The following MAP3K9 variants were observed in gnomAD, a reference collection of about 807,000 sequenced individuals.
MAP3K9 encodes the protein mixed lineage kinase 1 (tyr and ser/thr specificity).
In MAP3K9, 46 loss-of-function variants were observed where a neutral mutation model predicts 95.8. The ratio of observed to expected loss-of-function variants is 0.48; its 90% CI spans 0.38 to 0.61. The LOEUF is 0.61. Ranked by LOEUF, MAP3K9 falls within the 20% of genes least tolerant of loss-of-function variation. MAP3K9 has a pLI of 0.00. For synonymous variants in MAP3K9, 533 were observed against 593.8 expected, an observed-to-expected ratio of 0.90 and a Z score of 1.49; for missense variants, 1,296 against 1,474.3, an observed-to-expected ratio of 0.88 and a Z score of 1.98.
chr14:70,775,278 T>C (rs551024552), intron 2 of MAP3K9, among the ~76,000 whole-genome samples: 10 of 152,076 alleles, frequency 6.6e-5, no homozygotes, highest in African/African-American at 2.2e-4. Context: ...ATCCTGCAAG[T>C]TGGGTAGCAT....
rs148310050 is a variant in MAP3K9 at position 70,784,607 on chromosome 14, G to A, written c.820+16060C>T. On this transcript the variant is annotated intron_variant, in intron 2 of 11. Transcript: ENST00000554752. ...AAAATACAAAAATTAGCCAGGTGTG[G>A]TGGCAGGCGTCAGTAATCCCAGCTA... is the stretch of plus-strand genomic sequence containing the variant. Among the ~76,000 whole-genome samples, 737 of 152,244 alleles carry A rather than the reference G, an allele frequency of 4.8e-3. 4 individuals are homozygous for A. The highest frequency in any genetic ancestry group is 0.017 in the African/African-American group (687 of 41,530).
At chr14:70,751,484 G>A (rs942340017) in intron 3 of MAP3K9, among the ~76,000 whole-genome samples, 1 of 152,132 alleles carries the variant, frequency 6.6e-6, no homozygotes, top group African/African-American at 2.4e-5. Flanking sequence ...TTTGGGAGGC[G>A]GAAGCAGGCA....
intron 3 of MAP3K9, among the ~76,000 whole-genome samples, chr14:70,751,949 C>G (rs2054234462): frequency 6.6e-6 from 1 of 152,144 alleles, no homozygotes; most frequent in African/African-American, 2.4e-5. Flanking sequence ...TCAATTTATT[C>G]CCCCTAGAAT....
chr14:70,797,011 C>T (rs1039673475), intron 2 of MAP3K9, among the ~76,000 whole-genome samples: 15 of 152,284 alleles, frequency 9.9e-5, no homozygotes, highest in East Asian at 1.9e-4. Flanking sequence ...ATGCCATACG[C>T]GTTTCACTGC....
rs1162833672 is a variant in MAP3K9 at position 70,732,846 on chromosome 14, G to A, written c.2523C>T (p.Ser841=). 15 of 1,613,798 alleles carry A rather than the reference G, an allele frequency of 9.3e-6. No homozygotes were observed. Among genetic ancestry groups the A allele is most frequent in the Admixed American group, 3.3e-5 (2 of 59,962 alleles). Residue 841 remains serine (S), a synonymous_variant, in exon 11 of 12, where the codon TCC becomes TCT. Coordinates refer to ENST00000554752, the MANE Select transcript of MAP3K9 (RefSeq NM_001284230.2). ...GCAGGGAGCGTGTGGAGTTGCACTC[G>A]GAGATGGAGGAGAGGGAGAGCAGCG... ...SLTLLSLSSI[S]ECNSTRSLLR... is the part of the protein sequence containing the mutation.
In MAP3K9 at chr14:70,728,526, A is replaced by G. The variant is rs1032864238; in HGVS notation, c.*1854T>C. The G allele has an allele frequency of 3.9e-5, 6 of 152,188 alleles. No individual in the cohort carries two copies. The highest frequency in any genetic ancestry group is 1.4e-4 in the African/African-American group (6 of 41,424). 9.4% of individuals were successfully genotyped at this position (152,188 alleles called of 1,614,324 possible). ...TCACATTTTTTCCTCCTAGCTCAGG[A>G]GTAGGGGAATGGGGACAAAAACAGT... On this transcript the variant is annotated 3_prime_UTR_variant, in exon 12 of 12. Transcript: ENST00000554752.
At chr14:70,801,141 C>T (rs2054925664) in intron 1 of MAP3K9, 61 bp from the exon 2 acceptor site, 13 of 1,502,216 alleles carry the variant, frequency 8.7e-6, no homozygotes, top group South Asian at 5.1e-5. Flanking sequence ...CGTATTTAAC[C>T]TTTCATTTAC....
At chr14:70,773,042 A>G (rs1283713560) in intron 2 of MAP3K9, among the ~76,000 whole-genome samples, 4 of 152,200 alleles carry the variant, frequency 2.6e-5, no homozygotes, top group African/African-American at 9.7e-5. Context: ...TTTCTCAACA[A>G]AACAGCACCC....
intron 4 of MAP3K9, 150 bp from the exon 5 acceptor site, chr14:70,749,154 TCAGGAAGTAAAG>T (rs2054191615): frequency 1.3e-5 from 9 of 709,356 alleles, no homozygotes; most frequent in Non-Finnish European, 6.9e-6. Context: ...CAAATAAGGC[TCAGGAAGTAAAG>T]CAAACTGTCC....
At chr14:70,735,130 G>T (rs1269734985) in intron 9 of MAP3K9, among the ~76,000 whole-genome samples, 1 of 152,238 alleles carries the variant, frequency 6.6e-6, no homozygotes, top group Non-Finnish European at 1.5e-5. Context: ...TGGTCTGTCT[G>T]GGGGTGGAGA....
intron 2 of MAP3K9, among the ~76,000 whole-genome samples, chr14:70,761,760 G>C (rs547627741): frequency 6.6e-6 from 1 of 151,750 alleles, no homozygotes; most frequent in South Asian, 2.1e-4. Flanking sequence ...CTTTTTTTTG[G>C]GCTGAAATCC....
intron 5 of MAP3K9, among the ~76,000 whole-genome samples, chr14:70,743,873 A>T (rs2054110443): frequency 6.6e-6 from 1 of 152,252 alleles, no homozygotes; most frequent in African/African-American, 2.4e-5. Context: ...CCAAAGGATT[A>T]TAAATCATTC....
chr14:70,777,674 C>A (rs145396890), intron 2 of MAP3K9, among the ~76,000 whole-genome samples: 2 of 152,294 alleles, frequency 1.3e-5, no homozygotes, highest in Non-Finnish European at 2.9e-5. Flanking sequence ...CAAGCCCTGG[C>A]AAGTCAACTC....
In MAP3K9 at chr14:70,732,849, G is replaced by A. The variant is rs541892601; in HGVS notation, c.2520C>T (p.Ile840=). The A allele has an allele frequency of 6.2e-7, 1 of 1,614,018 alleles. No individual in the cohort carries two copies. The highest frequency in any genetic ancestry group is 8.5e-7 in the Non-Finnish European group (1 of 1,179,918). The change falls in exon 11 of 12, where the codon ATC becomes ATT. Residue 840 remains isoleucine, a synonymous_variant. Coordinates refer to ENST00000554752, the MANE Select transcript of MAP3K9 (RefSeq NM_001284230.2). ...ASLTLLSLSS[I]SECNSTRSLL... ...GGGAGCGTGTGGAGTTGCACTCGGA[G>A]ATGGAGGAGAGGGAGAGCAGCGTCA... is the stretch of plus-strand genomic sequence containing the variant.
chr14:70,748,655 C>T (rs2139750558), intron 5 of MAP3K9, among the ~76,000 whole-genome samples, 174 bp downstream of exon 5: 1 of 152,332 alleles, frequency 6.6e-6, no homozygotes, highest in Middle Eastern at 3.4e-3. Flanking sequence ...TGCCCAACTG[C>T]ATTCTTCTCT....
At chr14:70,771,843 G>T (rs1412293464) in intron 2 of MAP3K9, among the ~76,000 whole-genome samples, 1 of 152,236 alleles carries the variant, frequency 6.6e-6, no homozygotes, top group Non-Finnish European at 1.5e-5. Context: ...CCTACAGCAC[G>T]TTGCCTCCAG....
At chr14:70,759,205 T>C (rs963212300) in intron 3 of MAP3K9, among the ~76,000 whole-genome samples, 1 of 152,136 alleles carries the variant, frequency 6.6e-6, no homozygotes, top group African/African-American at 2.4e-5. Context: ...CCCAGCCCCT[T>C]AAGAGGCCGA....
rs114400722 is a variant in MAP3K9, at chr14:70,804,014, C to T, written c.407-2934G>A. 6.4e-3 allele frequency among the ~76,000 whole-genome samples: 968 copies of T among 152,314 alleles called. 11 individuals carry two copies. The highest frequency in any genetic ancestry group is 0.021 in the African/African-American group (880 of 41,558). ...ATTTTTTGCATCAGCATGTTGGTGTCCAATCACTAAGTCTGTAGATGTGGA... is the reference window on the plus strand; with the variant it reads ...ATTTTTTGCATCAGCATGTTGGTGTTCAATCACTAAGTCTGTAGATGTGGA... On this transcript the variant is annotated intron_variant, in intron 1 of 11. Transcript: ENST00000554752.
chr14:70,802,616 C>G (rs2054943070), intron 1 of MAP3K9, among the ~76,000 whole-genome samples: 1 of 152,164 alleles, frequency 6.6e-6, no homozygotes, highest in Non-Finnish European at 1.5e-5. Context: ...TCTTAAATAT[C>G]AGTTTCATAG....
Sources: allele counts gnomAD v4.1 joint callset (sites outside exome capture counted in the v4.1 genomes callset), GRCh38; gene constraint gnomAD v4.1.1; transcripts MANE v1.5; gene names NCBI Gene and HGNC (gene_info 2026-07-23, HGNC 2026-07-21).